The following WWTR1 variants were observed in gnomAD, a reference collection of about 807,000 sequenced individuals.
The protein encoded by WWTR1 is WW domain-containing transcription regulator protein 1.
Under a neutral mutation model 40.1 loss-of-function variants are expected in WWTR1, and 13 were observed. The ratio of observed to expected loss-of-function variants is 0.32; its 90% CI spans 0.21 to 0.52. WWTR1 has a LOEUF of 0.52. Ranked by LOEUF, WWTR1 falls within the 20% of genes least tolerant of loss-of-function variation. The probability of loss-of-function intolerance (pLI) is 0.97; values close to 1 mark genes in which losing one functional copy is unlikely to be tolerated. For missense variants in WWTR1, 436 were observed against 523.1 expected, an observed-to-expected ratio of 0.83 and a Z score of 1.63; for synonymous variants, 230 against 210.1, an observed-to-expected ratio of 1.09 and a Z score of -0.82.
At chr3:149,628,352 G>C (rs1711496824) in intron 2 of WWTR1, among the ~76,000 whole-genome samples, 1 of 152,244 alleles carries the variant, frequency 6.6e-6, no homozygotes, top group South Asian at 2.1e-4. Context: ...CTGGGCAACA[G>C]AGCGAGACTC....
At chr3:149,695,297 T>A (rs1050701707) in intron 1 of WWTR1, among the ~76,000 whole-genome samples, 5 of 152,070 alleles carry the variant, frequency 3.3e-5, no homozygotes, top group Non-Finnish European at 7.4e-5. Flanking sequence ...CATTTTAAAA[T>A]AAGAATATAA....
chr3:149,644,108 G>C (rs9820948), intron 2 of WWTR1, among the ~76,000 whole-genome samples: 94,797 of 151,856 alleles, frequency 0.62, 30,325 homozygotes, highest in African/African-American at 0.74. Flanking sequence ...TTCTTCCAAG[G>C]CTCCCAGTAC....
intron 4 of WWTR1, among the ~76,000 whole-genome samples, chr3:149,718,529 G>C (rs545431277): frequency 6.6e-6 from 1 of 152,136 alleles, no homozygotes; most frequent in African/African-American, 2.4e-5. Flanking sequence ...CAGCTGAGTG[G>C]CATTCAGTAT....
chr3:149,669,026 A>T (rs1189502147), intron 2 of WWTR1, among the ~76,000 whole-genome samples: 1 of 152,138 alleles, frequency 6.6e-6, no homozygotes, highest in Non-Finnish European at 1.5e-5. Flanking sequence ...CGTGGGAGAG[A>T]CTTGGCCTTT....
chr3:149,528,080 C>T (rs1576538040), intron 4 of WWTR1, 111 bp from the exon 5 acceptor site: 1 of 1,352,156 alleles, frequency 7.4e-7, no homozygotes, highest in African/African-American at 1.5e-5. Context: ...TGTATTTACT[C>T]CCAGCAAGTC....
chr3:149,677,680 A>T (rs1299664457), intron 1 of WWTR1, among the ~76,000 whole-genome samples: 1 of 152,180 alleles, frequency 6.6e-6, no homozygotes. Context: ...ATCTCTACTA[A>T]AAATACAAAA....
At chr3:149,609,876 G>A (rs191201869) in intron 2 of WWTR1, among the ~76,000 whole-genome samples, 367 of 152,266 alleles carry the variant, frequency 2.4e-3, no homozygotes, top group African/African-American at 8.4e-3. Context: ...TTTCCACAGA[G>A]GAAATAATAA....
At chr3:149,531,380 C>A (rs1221878342) in intron 4 of WWTR1, among the ~76,000 whole-genome samples, 1 of 152,150 alleles carries the variant, frequency 6.6e-6, no homozygotes, top group Admixed American at 6.5e-5. Flanking sequence ...CTCACGTGAC[C>A]CCCTGCTCTA....
At chr3:149,535,329 C>G (rs939227326) in intron 4 of WWTR1, among the ~76,000 whole-genome samples, 2 of 151,796 alleles carry the variant, frequency 1.3e-5, no homozygotes, top group South Asian at 2.1e-4. Flanking sequence ...TGAGGGACTT[C>G]AGAGAGAGAA....
intron 3 of WWTR1, among the ~76,000 whole-genome samples, chr3:149,550,034 T>C (rs1390596838): frequency 6.6e-6 from 1 of 152,160 alleles, no homozygotes. Context: ...CAGGGGAAAC[T>C]GGGTGAGTGA....
intron 1 of WWTR1, among the ~76,000 whole-genome samples, chr3:149,698,929 G>A (rs560050989): frequency 6.6e-6 from 1 of 152,308 alleles, no homozygotes; most frequent in South Asian, 2.1e-4. Flanking sequence ...TTCCTCCTAA[G>A]CCTCTGAGCC....
upstream of WWTR1, among the ~76,000 whole-genome samples, chr3:149,659,075 G>A (rs1317755383): frequency 6.6e-6 from 1 of 152,188 alleles, no homozygotes; most frequent in South Asian, 2.1e-4. Context: ...AGTAGGAGGA[G>A]GCCTTGCCCT....
At chr3:149,667,165 T>C (rs528557743) in intron 2 of WWTR1, among the ~76,000 whole-genome samples, 3 of 152,316 alleles carry the variant, frequency 2.0e-5, no homozygotes, top group African/African-American at 7.2e-5. Flanking sequence ...AAACATTGGG[T>C]CTCTACTTTT....
chr3:149,571,211 TTTC>T lies in WWTR1; in HGVS notation c.568+1650_568+1652del, dbSNP rs1441679376. On this transcript the variant is annotated intron_variant, in intron 3 of 6. Transcript: ENST00000360632. ...AGGAAGTGTTTGAATTTTTTTTTCTTTTCTTTTTTTTTTTTTTTTTTTTTTGTA... is the reference window on the plus strand; with the variant it reads ...AGGAAGTGTTTGAATTTTTTTTTCTTTTTTTTTTTTTTTTTTTTTTTTGTA... Among the ~76,000 whole-genome samples, 351 of 122,328 alleles carry T rather than the reference TTTC, an allele frequency of 2.9e-3. 1 individual carries two copies. Among genetic ancestry groups the T allele is most frequent in the African/African-American group, 9.0e-3 (327 of 36,382 alleles). 80.3% of individuals were successfully genotyped at this position (122,328 alleles called of 152,430 possible).
chr3:149,640,339 G>A (rs1170476073), intron 2 of WWTR1, among the ~76,000 whole-genome samples: 2 of 152,200 alleles, frequency 1.3e-5, no homozygotes, highest in African/African-American at 4.8e-5. Context: ...CTTTTTGAAA[G>A]TTTCTATGGC....
chr3:149,675,180 C>G (rs1413654732), intron 1 of WWTR1, among the ~76,000 whole-genome samples: 2 of 152,222 alleles, frequency 1.3e-5, no homozygotes, highest in Non-Finnish European at 2.9e-5. Flanking sequence ...GACACTATCC[C>G]TGGCTCAGGG....
At chr3:149,615,003 A>G (rs1047692584) in intron 2 of WWTR1, among the ~76,000 whole-genome samples, 2 of 152,090 alleles carry the variant, frequency 1.3e-5, no homozygotes, top group Non-Finnish European at 2.9e-5. Context: ...AAGATAGCTT[A>G]GGTGATGGTT....
chr3:149,712,586 C>T (rs1559847852), intron 5 of WWTR1, among the ~76,000 whole-genome samples: 2 of 152,254 alleles, frequency 1.3e-5, no homozygotes, highest in South Asian at 2.1e-4. Flanking sequence ...AAAGTAAGTG[C>T]GACCTGCAAA....
At chr3:149,628,698 T>TACAAC (rs749131168) in intron 2 of WWTR1, among the ~76,000 whole-genome samples, 16 of 152,164 alleles carry the variant, frequency 1.1e-4, no homozygotes, top group Non-Finnish European at 2.2e-4. Flanking sequence ...AATCCAATGG[T>TACAAC]ACAAGTCTCT....
Sources: gnomAD v4.1 joint callset for allele counts (sites outside exome capture counted in the v4.1 genomes callset) on GRCh38, gnomAD v4.1.1 for gene constraint, MANE v1.5 for transcripts, NCBI Gene and HGNC (gene_info 2026-07-23, HGNC 2026-07-21) for gene names.